Variants in FAM110B observed in about 807,000 individuals in gnomAD.
FAM110B encodes the protein family with sequence similarity 110 member B.
FAM110B carries 6 observed loss-of-function variants against 20.4 expected under a neutral mutation model. The observed-to-expected ratio is 0.29, with a 90% CI of 0.16 to 0.58. FAM110B has a LOEUF of 0.58. FAM110B is among the 20% of genes least tolerant of loss of function. FAM110B has a pLI of 0.90. For synonymous variants in FAM110B, 226 were observed against 214.1 expected (o/e 1.06, Z -0.49); for missense variants, 434 against 498.2 (o/e 0.87, Z 1.23).
chr8:57,996,236 A>G (rs1333873182), intron 1 of FAM110B, among the ~76,000 whole-genome samples: 2 of 152,220 alleles, frequency 1.3e-5, no homozygotes, highest in East Asian at 1.9e-4. Context: ...TAAAGTCACT[A>G]ATTGAACAGA....
At chr8:58,103,581 C>T (rs1268164208) in intron 3 of FAM110B, among the ~76,000 whole-genome samples, 2 of 152,094 alleles carry the variant, frequency 1.3e-5, no homozygotes, top group African/African-American at 4.8e-5. Flanking sequence ...TAATAAATTG[C>T]AATCATTTTT....
rs1017036553 is a variant in FAM110B at position 58,067,672 on chromosome 8, A to G, written c.-413-7863A>G. Reference sequence around the variant, plus strand: ...TTAATCACTTAATGAGCATTCCCACATTACAACAGAAGCTCCTTTAGGAAT... The same window carrying G: ...TTAATCACTTAATGAGCATTCCCACGTTACAACAGAAGCTCCTTTAGGAAT... On this transcript the variant is annotated intron_variant, in intron 2 of 3. Transcript: ENST00000519262. Among the ~76,000 whole-genome samples, 11 of 152,348 alleles carry G rather than the reference A, an allele frequency of 7.2e-5. No homozygotes were observed. In the South Asian group the frequency reaches 1.9e-3, roughly 26 times the overall value.
intron 1 of FAM110B, among the ~76,000 whole-genome samples, chr8:58,020,889 C>A (rs1028277641): frequency 6.8e-6 from 1 of 146,814 alleles, no homozygotes; most frequent in African/African-American, 2.7e-5. Context: ...ATGGCTTGTT[C>A]CTCCTGATCT....
intron 3 of FAM110B, among the ~76,000 whole-genome samples, chr8:58,142,343 G>A (rs546665114): frequency 1.1e-4 from 17 of 152,302 alleles, no homozygotes; most frequent in African/African-American, 2.4e-4. Context: ...GGTCTCACCC[G>A]AAATCTACCA....
At chr8:58,081,863 A>G (rs868055027) in intron 3 of FAM110B, among the ~76,000 whole-genome samples, 1 of 152,086 alleles carries the variant, frequency 6.6e-6, no homozygotes, top group South Asian at 2.1e-4. Flanking sequence ...TCATGCAACA[A>G]ATTTCTTCAC....
intron 2 of FAM110B, among the ~76,000 whole-genome samples, chr8:58,061,088 G>C (rs1042132232): frequency 6.6e-6 from 1 of 152,132 alleles, no homozygotes; most frequent in African/African-American, 2.4e-5. Context: ...TCTTTCTAAA[G>C]CCTGGCATTG....
chr8:58,019,413 G>T (rs78158028), intron 1 of FAM110B, among the ~76,000 whole-genome samples: 1 of 149,888 alleles, frequency 6.7e-6, no homozygotes, highest in Non-Finnish European at 1.5e-5. Flanking sequence ...AAATATTTAT[G>T]TATAAATCCA....
At chr8:58,037,030 A>G (rs1459042540) in intron 2 of FAM110B, among the ~76,000 whole-genome samples, 2 of 152,182 alleles carry the variant, frequency 1.3e-5, no homozygotes, top group Non-Finnish European at 2.9e-5. Flanking sequence ...GTAAAGGGGA[A>G]GAACATCGGA....
chr8:58,087,318 G>A (rs553241757), intron 3 of FAM110B, among the ~76,000 whole-genome samples: 2 of 152,254 alleles, frequency 1.3e-5, no homozygotes, highest in South Asian at 4.1e-4. Flanking sequence ...GACTTAGATC[G>A]GTGGGCTTCG....
chr8:58,020,940 A>G (rs1804739987), intron 1 of FAM110B, among the ~76,000 whole-genome samples: 1 of 152,142 alleles, frequency 6.6e-6, no homozygotes, highest in African/African-American at 2.4e-5. Context: ...TATGGCTTTC[A>G]GCTCACCCAG....
At chr8:58,052,741 G>A (rs1805471871) in intron 2 of FAM110B, among the ~76,000 whole-genome samples, 1 of 141,104 alleles carries the variant, frequency 7.1e-6, no homozygotes, top group Non-Finnish European at 1.5e-5. Flanking sequence ...GTGGTTATAA[G>A]CCTGATAGAG....
chr8:58,084,224 G>C (rs1410268133), intron 3 of FAM110B, among the ~76,000 whole-genome samples: 1 of 152,138 alleles, frequency 6.6e-6, no homozygotes, highest in Non-Finnish European at 1.5e-5. Context: ...GGTATGGATG[G>C]TGTACACCTC....
intron 3 of FAM110B, among the ~76,000 whole-genome samples, chr8:58,134,083 T>C (rs1287027248): frequency 3.1e-5 from 4 of 127,484 alleles, no homozygotes; most frequent in Non-Finnish European, 5.8e-5. Context: ...ATTTTGAAGA[T>C]TATTTATCCC....
At chr8:58,024,050 T>C (rs1379548484) in intron 1 of FAM110B, among the ~76,000 whole-genome samples, 1 of 152,230 alleles carries the variant, frequency 6.6e-6, no homozygotes, top group Non-Finnish European at 1.5e-5. Flanking sequence ...TTCCAGAATT[T>C]CTATCTTGGC....
At chr8:58,035,848 T>C (rs946901749) in intron 2 of FAM110B, among the ~76,000 whole-genome samples, 3 of 152,172 alleles carry the variant, frequency 2.0e-5, no homozygotes, top group African/African-American at 7.2e-5. Context: ...GCTGGAGTCA[T>C]CTGTCTCTTG....
intron 2 of FAM110B, among the ~76,000 whole-genome samples, chr8:58,044,490 T>TAAAATATCCATA (rs1805283781): frequency 6.6e-6 from 1 of 152,218 alleles, no homozygotes; most frequent in African/African-American, 2.4e-5. Context: ...TGTCTGTATA[T>TAAAATATCCATA]TAAAATATCC....
chr8:58,014,196 A>T (rs1261082460), intron 1 of FAM110B, among the ~76,000 whole-genome samples: 1 of 152,100 alleles, frequency 6.6e-6, no homozygotes, highest in South Asian at 2.1e-4. Context: ...AGGATCATAG[A>T]GCTTCCTGGG....
chr8:58,049,054 G>A (rs980810496), intron 2 of FAM110B, among the ~76,000 whole-genome samples: 1 of 152,096 alleles, frequency 6.6e-6, no homozygotes, highest in African/African-American at 2.4e-5. Flanking sequence ...AACTATAATG[G>A]TGATTATTTT....
chr8:58,083,509 A>T (rs909513690), intron 3 of FAM110B, among the ~76,000 whole-genome samples: 6 of 152,218 alleles, frequency 3.9e-5, no homozygotes, highest in Non-Finnish European at 8.8e-5. Flanking sequence ...AATTTTGCTC[A>T]AATTGATTGT....
Sources: gnomAD v4.1 joint callset for allele counts (sites outside exome capture counted in the v4.1 genomes callset) on GRCh38, gnomAD v4.1.1 for gene constraint, MANE v1.5 for transcripts, NCBI Gene and HGNC (gene_info 2026-07-23, HGNC 2026-07-21) for gene names.